GAB4: variants seen among roughly 807,000 people sequenced by gnomAD.
GAB4 encodes the protein GRB2 associated binding protein family member 4, also known as GRB2-associated-binding protein 4.
GAB4 carries 26 observed loss-of-function variants against 51.3 expected under a neutral mutation model. That is an observed-to-expected ratio of 0.51 (90% CI 0.37 to 0.70). GAB4 has a LOEUF of 0.70. Ranked by LOEUF, GAB4 falls within the 30% of genes least tolerant of loss-of-function variation. GAB4 has a pLI of 0.00. For synonymous variants in GAB4, 329 were observed against 291.2 expected (o/e 1.13, Z -1.32); for missense variants, 759 against 734.6 (o/e 1.03, Z -0.38).
At chr22:16,970,342 G>T in intron 3 of GAB4, 149 bp from the exon 4 acceptor site, 2 of 812,744 alleles carry the variant, frequency 2.5e-6, no homozygotes, top group Non-Finnish European at 3.8e-6. Flanking sequence ...GGTTTGTCTA[G>T]TTTGGGAGTT....
intron 1 of GAB4, among the ~76,000 whole-genome samples, chr22:16,996,907 C>T (rs1318479925): frequency 4.0e-5 from 6 of 149,384 alleles, no homozygotes; most frequent in South Asian, 2.1e-4. Flanking sequence ...TGAGAACATG[C>T]GGTGTTTGGT....
At chr22:16,962,970 A>C in intron 9 of GAB4, 94 bp from the exon 10 acceptor site, 38 of 1,242,428 alleles carry the variant, frequency 3.1e-5, no homozygotes, top group Non-Finnish European at 3.8e-5. Context: ...AAACTTTCTC[A>C]GGGGGAAGGA....
chr22:17,001,011 G>C (rs1451502156), intron 1 of GAB4, among the ~76,000 whole-genome samples: 1 of 152,226 alleles, frequency 6.6e-6, no homozygotes, highest in Non-Finnish European at 1.5e-5. Context: ...GAGATCAGCT[G>C]TTAGTCTGAT....
At chr22:16,981,841 A>G (rs1452773629) in intron 3 of GAB4, among the ~76,000 whole-genome samples, 1 of 152,212 alleles carries the variant, frequency 6.6e-6, no homozygotes, top group African/African-American at 2.4e-5. Flanking sequence ...TTATAACAAT[A>G]TATTATAAAG....
chr22:16,997,669 CT>C (rs762648021), intron 1 of GAB4, among the ~76,000 whole-genome samples: 9 of 152,154 alleles, frequency 5.9e-5, no homozygotes, highest in Non-Finnish European at 1.2e-4. Flanking sequence ...GCTATTTTGG[CT>C]TTTGTTGTCA....
At chr22:16,995,243 G>A (rs947998921) in intron 1 of GAB4, among the ~76,000 whole-genome samples, 4 of 152,134 alleles carry the variant, frequency 2.6e-5, no homozygotes, top group South Asian at 2.1e-4. Flanking sequence ...ATAGTTGGGC[G>A]GATAATGGAA....
intron 3 of GAB4, among the ~76,000 whole-genome samples, chr22:16,974,016 C>T (rs1050900079): frequency 6.6e-6 from 1 of 152,232 alleles, no homozygotes; most frequent in African/African-American, 2.4e-5. Flanking sequence ...GGGAAGCCAA[C>T]ATGCCTGAAA....
At chr22:16,976,967 T>G (rs1371920924) in intron 3 of GAB4, among the ~76,000 whole-genome samples, 1 of 152,146 alleles carries the variant, frequency 6.6e-6, no homozygotes, top group Admixed American at 6.5e-5. Flanking sequence ...GACAAGCAAA[T>G]GCTGAGAGAT....
chr22:16,965,301 G>A, intron 6 of GAB4, 33 bp from the exon 7 acceptor site: 2 of 1,508,728 alleles, frequency 1.3e-6, no homozygotes, highest in South Asian at 1.1e-5. Context: ...TCATCAGCCA[G>A]TGATGACACC....
At chr22:16,972,710 C>A (rs1202433536) in intron 3 of GAB4, among the ~76,000 whole-genome samples, 3 of 152,180 alleles carry the variant, frequency 2.0e-5, no homozygotes, top group Non-Finnish European at 4.4e-5. Flanking sequence ...CACCAGCCAG[C>A]CTTAGTGAGC....
intron 3 of GAB4, among the ~76,000 whole-genome samples, chr22:16,986,580 T>G (rs1478627274): frequency 1.3e-5 from 2 of 152,166 alleles, no homozygotes; most frequent in African/African-American, 4.8e-5. Flanking sequence ...TGGCCTAAGA[T>G]TCCCAGAAAA....
intron 3 of GAB4, among the ~76,000 whole-genome samples, chr22:16,974,999 G>A (rs1196147051): frequency 6.6e-6 from 1 of 152,184 alleles, no homozygotes; most frequent in African/African-American, 2.4e-5. Context: ...CTTTTCCTAT[G>A]GTCTTCACAA....
At chr22:16,975,279 A>T (rs957692718) in intron 3 of GAB4, among the ~76,000 whole-genome samples, 2 of 152,216 alleles carry the variant, frequency 1.3e-5, no homozygotes, top group African/African-American at 4.8e-5. Context: ...TCTCGCTGCC[A>T]GCACAACAGT....
At chr22:16,963,939 C>T in intron 8 of GAB4, 110 bp from the exon 9 acceptor site, 2 of 762,092 alleles carry the variant, frequency 2.6e-6, no homozygotes, top group South Asian at 3.2e-5. Flanking sequence ...CTACTCTGAG[C>T]CATGCACTGG....
chr22:16,970,367 C>CT (rs1473421806), intron 3 of GAB4, among the ~76,000 whole-genome samples, 174 bp from the exon 4 acceptor site: 1 of 152,082 alleles, frequency 6.6e-6, no homozygotes, highest in Non-Finnish European at 1.5e-5. Context: ...ACCTTGTGGC[C>CT]TTGAGTATTT....
chr22:17,000,223 C>T (rs1472031453), intron 1 of GAB4, among the ~76,000 whole-genome samples: 2 of 152,126 alleles, frequency 1.3e-5, no homozygotes, highest in Non-Finnish European at 2.9e-5. Context: ...GTTGATCTGT[C>T]TAATGTTGAC....
chr22:16,964,775 A>G lies in GAB4; in HGVS notation c.1467T>C (p.Tyr489=). 6.2e-7 allele frequency: 1 copy of G among 1,612,412 alleles called. No homozygotes were observed. Among genetic ancestry groups the G allele is most frequent in the Non-Finnish European group, 8.5e-7 (1 of 1,178,550 alleles). Residue 489 remains tyrosine (Y), a synonymous_variant, in exon 8 of 10, where the codon TAT becomes TAC. Coordinates refer to ENST00000400588, the MANE Select transcript of GAB4 (RefSeq NM_001037814.1). The part of the protein sequence containing the change: ...NTDSEDSGER[Y]LFPNPASAFP... ...ACCCCCAAGGACTCACCGGGAAAAG[A>G]TACCTCTCTCCACTGTCTTCTGAGT... is the stretch of plus-strand genomic sequence containing the variant.
chr22:16,978,062 G>A (rs1427220310), intron 3 of GAB4, among the ~76,000 whole-genome samples: 1 of 62,840 alleles, frequency 1.6e-5, no homozygotes, highest in African/African-American at 1.4e-4. Context: ...AGCACTAAAG[G>A]CCCATAAGAG....
At chr22:16,990,998 T>TA (rs992287268) in intron 2 of GAB4, among the ~76,000 whole-genome samples, 111 of 144,258 alleles carry the variant, frequency 7.7e-4, no homozygotes, top group African/African-American at 2.4e-3. Flanking sequence ...ATTGTAACAT[T>TA]AAAAAAAATA....
Sources: gnomAD v4.1 joint callset for allele counts (sites outside exome capture counted in the v4.1 genomes callset) on GRCh38, gnomAD v4.1.1 for gene constraint, MANE v1.5 for transcripts, NCBI Gene and HGNC (gene_info 2026-07-23, HGNC 2026-07-21) for gene names.